MMP16: variants seen among roughly 807,000 people sequenced by gnomAD.
MMP16 encodes the protein matrix metallopeptidase 16, also known as matrix metalloproteinase-16.
In MMP16, 12 loss-of-function variants were observed where a neutral mutation model predicts 67.8. The ratio of observed to expected loss-of-function variants is 0.18; its 90% CI spans 0.11 to 0.29. The LOEUF (loss-of-function observed/expected upper bound fraction) is 0.29. Ranked by LOEUF, MMP16 falls within the 10% of genes least tolerant of loss-of-function variation. The pLI is 1.00. For synonymous variants in MMP16, 249 were observed against 255.9 expected, an observed-to-expected ratio of 0.97 and a Z score of 0.26; for missense variants, 475 against 765.7, an observed-to-expected ratio of 0.62 and a Z score of 4.48.
chr8:88,168,088 T>C (rs1390393596), intron 3 of MMP16, 115 bp from the exon 4 acceptor site: 1 of 711,436 alleles, frequency 1.4e-6, no homozygotes, highest in African/African-American at 1.8e-5. Flanking sequence ...TAAATAGGAA[T>C]AACACGTATT....
At chr8:88,094,085 T>C (rs1808984842) in intron 6 of MMP16, among the ~76,000 whole-genome samples, 1 of 151,856 alleles carries the variant, frequency 6.6e-6, no homozygotes, top group East Asian at 1.9e-4. Context: ...AAGAACTCTT[T>C]ATTTTACATA....
At chr8:88,218,286 C>A (rs1809625289) in intron 1 of MMP16, among the ~76,000 whole-genome samples, 1 of 151,872 alleles carries the variant, frequency 6.6e-6, no homozygotes. Flanking sequence ...GGAAGCTAAG[C>A]AAATCTCAAT....
At chr8:88,052,593 T>C (rs74693211) in intron 8 of MMP16, among the ~76,000 whole-genome samples, 32,339 of 152,132 alleles carry the variant, frequency 0.21, 4,055 homozygotes, top group Non-Finnish European at 0.29. Flanking sequence ...TGCCTCTTCC[T>C]TGTACTTAGA....
chr8:88,218,444 G>C (rs1486903963), intron 1 of MMP16, among the ~76,000 whole-genome samples: 1 of 151,950 alleles, frequency 6.6e-6, no homozygotes, highest in Non-Finnish European at 1.5e-5. Flanking sequence ...ATAATGCATT[G>C]TATACTTGAA....
rs1163071269 is a variant in MMP16 at position 88,116,492 on chromosome 8, AT to A, written c.1083+14del. ...TTGATCTACTGTTAAAAAAAAAAAA[AT>A]CACAGTCTCCTACCTTGAAAACAAA... On this transcript the variant is annotated intron_variant, in intron 6 of 9. Transcript: ENST00000286614. The A allele has an allele frequency of 6.2e-7, 1 of 1,603,004 alleles. No individual in the cohort carries two copies.
At chr8:88,151,510 T>A (rs1586177102) in intron 4 of MMP16, among the ~76,000 whole-genome samples, 1 of 147,524 alleles carries the variant, frequency 6.8e-6, no homozygotes, top group East Asian at 2.1e-4. Context: ...TATAACAAAC[T>A]ATCTCTCAGA....
At chr8:88,044,235 CA>C (rs1808170877) in intron 9 of MMP16, among the ~76,000 whole-genome samples, 1 of 152,124 alleles carries the variant, frequency 6.6e-6, no homozygotes, top group Non-Finnish European at 1.5e-5. Flanking sequence ...TGCTTGAGCC[CA>C]GGAGTTCAAC....
chr8:88,249,032 T>C (rs1810165290), intron 1 of MMP16, among the ~76,000 whole-genome samples: 2 of 151,842 alleles, frequency 1.3e-5, no homozygotes, highest in African/African-American at 4.8e-5. Context: ...TTTAAATTAG[T>C]TGGCTGGGGA....
intron 1 of MMP16, among the ~76,000 whole-genome samples, chr8:88,274,487 G>A (rs956134232): frequency 3.3e-5 from 5 of 151,968 alleles, no homozygotes; most frequent in African/African-American, 7.2e-5. Context: ...TACATCAGAG[G>A]TTCTATCATA....
chr8:88,140,557 T>A (rs533775941), intron 4 of MMP16, among the ~76,000 whole-genome samples: 3 of 152,254 alleles, frequency 2.0e-5, no homozygotes, highest in Admixed American at 1.3e-4. Context: ...CAAATTATAA[T>A]TTATTCAATT....
chr8:88,318,603 G>T (rs950473110), intron 1 of MMP16, among the ~76,000 whole-genome samples: 8 of 152,234 alleles, frequency 5.3e-5, no homozygotes, highest in African/African-American at 1.9e-4. Context: ...CAGTCAGCCT[G>T]TCTGCTTTGA....
chr8:88,054,043 G>C (rs192817934), intron 8 of MMP16, among the ~76,000 whole-genome samples: 1 of 151,956 alleles, frequency 6.6e-6, no homozygotes, highest in African/African-American at 2.4e-5. Context: ...ACAAATTTAA[G>C]GTAGTTCACG....
At chr8:88,159,652 G>T (rs1292402531) in intron 4 of MMP16, among the ~76,000 whole-genome samples, 1 of 152,134 alleles carries the variant, frequency 6.6e-6, no homozygotes, top group Non-Finnish European at 1.5e-5. Flanking sequence ...GCCCTGGCCA[G>T]AACTTCCAAC....
intron 6 of MMP16, among the ~76,000 whole-genome samples, chr8:88,114,647 C>A (rs957161240): frequency 2.0e-5 from 3 of 151,778 alleles, no homozygotes; most frequent in Admixed American, 2.0e-4. Context: ...TTACAAAGAA[C>A]AAAATGCCTA....
At chr8:88,065,250 C>T (rs889015290) in intron 7 of MMP16, among the ~76,000 whole-genome samples, 1 of 151,964 alleles carries the variant, frequency 6.6e-6, no homozygotes, top group African/African-American at 2.4e-5. Flanking sequence ...CTCTACAGGG[C>T]ACAACAAACA....
At chr8:88,050,564 AT>A (rs755070695) in intron 8 of MMP16, among the ~76,000 whole-genome samples, 11 of 152,172 alleles carry the variant, frequency 7.2e-5, no homozygotes, top group Non-Finnish European at 1.2e-4. Context: ...ACATATTACA[AT>A]GTTCTCTATA....
chr8:88,110,654 G>A (rs1212239256), intron 6 of MMP16, among the ~76,000 whole-genome samples: 2 of 151,310 alleles, frequency 1.3e-5, no homozygotes, highest in Admixed American at 6.6e-5. Flanking sequence ...AACACTTTTC[G>A]GACTCTCTGC....
intron 1 of MMP16, among the ~76,000 whole-genome samples, chr8:88,227,452 T>C (rs1158252249): frequency 6.6e-6 from 1 of 152,042 alleles, no homozygotes; most frequent in African/African-American, 2.4e-5. Context: ...ATTACAAATA[T>C]AAGAAATTTC....
At chr8:88,075,452 G>C (rs1808631193) in intron 6 of MMP16, among the ~76,000 whole-genome samples, 1 of 152,028 alleles carries the variant, frequency 6.6e-6, no homozygotes, top group Non-Finnish European at 1.5e-5. Flanking sequence ...TTGACCCATA[G>C]CAGGTTTCTA....
Sources: gnomAD v4.1 joint callset for allele counts (sites outside exome capture counted in the v4.1 genomes callset) on GRCh38, gnomAD v4.1.1 for gene constraint, MANE v1.5 for transcripts, NCBI Gene and HGNC (gene_info 2026-07-23, HGNC 2026-07-21) for gene names.